ABCE1: variants seen among roughly 807,000 people sequenced by gnomAD.
The protein encoded by ABCE1 is ATP binding cassette subfamily E member 1.
ABCE1 carries 22 observed loss-of-function variants against 83.4 expected under a neutral mutation model. The observed-to-expected ratio is 0.26, with a 90% confidence interval of 0.19 to 0.38. The LOEUF (loss-of-function observed/expected upper bound fraction) is 0.38. ABCE1 is among the 10% of genes least tolerant of loss of function. ABCE1 has a pLI of 1.00. For synonymous variants in ABCE1, 204 were observed against 233.7 expected (o/e 0.87, Z 1.16); for missense variants, 330 against 721.9 (o/e 0.46, Z 6.22).
rs1036118697 is a variant in ABCE1 at position 145,128,314 on chromosome 4, T to C, written c.*741T>C. ...CTAGGTAATGTCATTTTTGTACACATATATTTATATAATCACTGATTGAGA... is the reference window on the plus strand; with the variant it reads ...CTAGGTAATGTCATTTTTGTACACACATATTTATATAATCACTGATTGAGA... On this transcript the variant is annotated 3_prime_UTR_variant, in exon 18 of 18. Coordinates refer to ENST00000296577, the MANE Select transcript of ABCE1 (RefSeq NM_002940.3). 2.0e-5 allele frequency: 3 copies of C among 152,612 alleles called. No homozygotes were observed. The highest frequency in any genetic ancestry group is 4.4e-5 in the Non-Finnish European group (3 of 68,014). 9.5% of individuals were successfully genotyped at this position (152,612 alleles called of 1,614,324 possible).
At chr4:145,123,155 T>C in intron 14 of ABCE1, 24 bp downstream of exon 14, 1 of 1,579,832 alleles carries the variant, frequency 6.3e-7, no homozygotes, top group Non-Finnish European at 8.5e-7. Flanking sequence ...ATTTTTTTTA[T>C]TTTTTTATTA....
chr4:145,111,958 C>T (rs1749487974), intron 8 of ABCE1, among the ~76,000 whole-genome samples: 1 of 152,164 alleles, frequency 6.6e-6, no homozygotes, highest in Non-Finnish European at 1.5e-5. Flanking sequence ...GAGACTATAT[C>T]AGAATACTTT....
intron 1 of ABCE1, among the ~76,000 whole-genome samples, chr4:145,098,726 C>T (rs1199184032): frequency 6.6e-6 from 1 of 151,942 alleles, no homozygotes; most frequent in African/African-American, 2.4e-5. Flanking sequence ...CCACTCCCGC[C>T]CTGAAGCTAA....
At chr4:145,107,810 C>T (rs1749349507) in intron 3 of ABCE1, among the ~76,000 whole-genome samples, 1 of 152,190 alleles carries the variant, frequency 6.6e-6, no homozygotes, top group Non-Finnish European at 1.5e-5. Context: ...ATTTTCCCCA[C>T]ATATACTGAG....
intron 8 of ABCE1, among the ~76,000 whole-genome samples, chr4:145,111,436 G>T (rs1328903356): frequency 6.6e-6 from 1 of 152,152 alleles, no homozygotes; most frequent in Non-Finnish European, 1.5e-5. Context: ...CCATTCTCCT[G>T]CCTCAGCCTC....
At chr4:145,100,768 G>C (rs1211504980) in intron 1 of ABCE1, among the ~76,000 whole-genome samples, 1 of 151,954 alleles carries the variant, frequency 6.6e-6, no homozygotes, top group African/African-American at 2.4e-5. Flanking sequence ...TCAGTATGTA[G>C]TTTAGTGGAC....
At chr4:145,105,003 C>T (rs1394479647) in intron 2 of ABCE1, among the ~76,000 whole-genome samples, 3 of 151,862 alleles carry the variant, frequency 2.0e-5, no homozygotes, top group Admixed American at 6.6e-5. Flanking sequence ...TATTGGTAGT[C>T]GTTAAGGGCT....
intron 9 of ABCE1, among the ~76,000 whole-genome samples, chr4:145,113,418 C>T (rs1203022365): frequency 1.3e-5 from 2 of 152,108 alleles, no homozygotes; most frequent in Non-Finnish European, 2.9e-5. Flanking sequence ...ATCTGTGAAC[C>T]CTTCAAAGTG....
At chr4:145,109,416 G>A (rs1749400285) in intron 5 of ABCE1, among the ~76,000 whole-genome samples, 167 bp downstream of exon 5, 1 of 152,158 alleles carries the variant, frequency 6.6e-6, no homozygotes. Context: ...CTAAAAATCT[G>A]TTAATGTTAC....
chr4:145,100,285 C>A (rs1379338751), intron 1 of ABCE1, among the ~76,000 whole-genome samples: 2 of 152,162 alleles, frequency 1.3e-5, no homozygotes, highest in African/African-American at 4.8e-5. Flanking sequence ...GCCCAGGAGT[C>A]CCAGTCTGTA....
chr4:145,106,647 G>A (rs576035928), intron 3 of ABCE1, among the ~76,000 whole-genome samples: 2 of 152,156 alleles, frequency 1.3e-5, no homozygotes, highest in African/African-American at 4.8e-5. Flanking sequence ...GAGAAGTAAT[G>A]TATAATTCCT....
At chr4:145,120,966 A>C (rs947660733) in intron 11 of ABCE1, 31 of 538,922 alleles carry the variant, frequency 5.8e-5, no homozygotes, top group Non-Finnish European at 9.2e-5. Flanking sequence ...AGCTTTGACT[A>C]GTCTTTATTC....
At chr4:145,109,554 A>G (rs1749404161) in intron 5 of ABCE1, among the ~76,000 whole-genome samples, 1 of 152,202 alleles carries the variant, frequency 6.6e-6, no homozygotes, top group Admixed American at 6.5e-5. Flanking sequence ...TTTTTGTTGC[A>G]GTCAATAGTT....
chr4:145,112,152 T>C, intron 8 of ABCE1, 87 bp from the exon 9 acceptor site: 1 of 886,602 alleles, frequency 1.1e-6, no homozygotes, highest in Non-Finnish European at 1.7e-6. Context: ...CAAAAGCTCT[T>C]GATACTACAG....
chr4:145,119,055 C>A (rs1008575073), intron 10 of ABCE1, among the ~76,000 whole-genome samples: 7 of 151,644 alleles, frequency 4.6e-5, no homozygotes, highest in Middle Eastern at 3.2e-3. Flanking sequence ...AGTTTAAGAT[C>A]AAAAAACATG....
intron 1 of ABCE1, among the ~76,000 whole-genome samples, chr4:145,101,623 G>T (rs1749158174): frequency 1.3e-5 from 2 of 152,208 alleles, no homozygotes; most frequent in Non-Finnish European, 2.9e-5. Context: ...ATGCTGGTAA[G>T]AGATGATAGT....
chr4:145,116,992 A>G (rs1400616206), intron 9 of ABCE1, among the ~76,000 whole-genome samples: 9 of 151,960 alleles, frequency 5.9e-5, no homozygotes, highest in Non-Finnish European at 1.3e-4. Context: ...TTTAGGCTAC[A>G]TCTGAATTAA....
At chr4:145,113,076 A>C (rs1749524900) in intron 9 of ABCE1, among the ~76,000 whole-genome samples, 2 of 152,216 alleles carry the variant, frequency 1.3e-5, no homozygotes, top group South Asian at 4.1e-4. Context: ...AAATGGTCAA[A>C]AACTAAAGCA....
At chr4:145,099,489 G>A (rs1442481013) in intron 1 of ABCE1, among the ~76,000 whole-genome samples, 3 of 152,166 alleles carry the variant, frequency 2.0e-5, no homozygotes, top group African/African-American at 7.2e-5. Context: ...AAAGCTGTTT[G>A]GGGTTTGTGA....
Sources: allele counts gnomAD v4.1 joint callset (sites outside exome capture counted in the v4.1 genomes callset), GRCh38; gene constraint gnomAD v4.1.1; transcripts MANE v1.5; gene names NCBI Gene and HGNC (gene_info 2026-07-23, HGNC 2026-07-21).